IL9R: variants seen among roughly 807,000 people sequenced by gnomAD.
IL9R encodes the protein interleukin-9 receptor.
In IL9R, 54 loss-of-function variants were observed where a neutral mutation model predicts 56.3. That is an observed-to-expected ratio of 0.96 (90% CI 0.77 to 1.20). The LOEUF (loss-of-function observed/expected upper bound fraction) is 1.20. Ranked by LOEUF, IL9R falls within the 50% of genes most tolerant of loss-of-function variation. The pLI, the probability that IL9R is intolerant of heterozygous loss-of-function variation, is 0.00. For missense variants in IL9R, 545 were observed against 629.8 expected, an observed-to-expected ratio of 0.87 and a Z score of 1.44; for synonymous variants, 212 against 250.2, an observed-to-expected ratio of 0.85 and a Z score of 1.44.
chrX:156,009,117 CTGTGTATGTTTG>C (rs1263020619), intron 8 of IL9R, among the ~76,000 whole-genome samples: 32 of 106,428 alleles, frequency 3.0e-4, no homozygotes, highest in African/African-American at 1.3e-3. Flanking sequence ...GTTTATGTGT[CTGTGTATGTTTG>C]TGTGTGTGTT....
chrX:156,008,973 G>C (rs2068206468), intron 8 of IL9R, among the ~76,000 whole-genome samples: 1 of 151,286 alleles, frequency 6.6e-6, no homozygotes, highest in African/African-American at 2.4e-5. Flanking sequence ...ATGTGTGTGT[G>C]TCTGTGTGTG....
intron 8 of IL9R, among the ~76,000 whole-genome samples, chrX:156,009,422 T>G (rs2068334062): frequency 7.0e-6 from 1 of 142,088 alleles, no homozygotes; most frequent in Non-Finnish European, 1.5e-5. Flanking sequence ...TGTGTGTTTG[T>G]GTATGTTTGT....
At chrX:156,007,310 C>T (rs943796144) in intron 7 of IL9R, among the ~76,000 whole-genome samples, 4 of 148,278 alleles carry the variant, frequency 2.7e-5, no homozygotes, top group African/African-American at 1.0e-4. Context: ...AGGACGCGCG[C>T]CTCAGTATAA....
intron 2 of IL9R, 113 bp downstream of exon 2, chrX:156,003,132 T>C: frequency 2.2e-6 from 3 of 1,346,810 alleles, no homozygotes; most frequent in Non-Finnish European, 3.2e-6. Flanking sequence ...CAAACTGTGC[T>C]GGGGCATGTC....
At chrX:155,999,348 C>A (rs1160405918) in intron 1 of IL9R, among the ~76,000 whole-genome samples, 1 of 152,132 alleles carries the variant, frequency 6.6e-6, no homozygotes, top group Non-Finnish European at 1.5e-5. Context: ...GCATTTACCT[C>A]ACGGATGCAG....
chrX:156,004,440 G>A lies in IL9R; in HGVS notation c.454G>A (p.Asp152Asn), dbSNP rs751257162. 1 of 1,613,874 alleles carries A rather than the reference G, an allele frequency of 6.2e-7. No homozygotes were observed. Among genetic ancestry groups the A allele is most frequent in the Non-Finnish European group, 8.5e-7 (1 of 1,179,836 alleles). ...RRHVKLDPPS[D>N]LQSNISSGHC... ...TCCAGTTAAGCTGGACCCGCCCTCTGACTTGCAGAGCAACATCAGTTCTGG... is the reference window on the plus strand; with the variant it reads ...TCCAGTTAAGCTGGACCCGCCCTCTAACTTGCAGAGCAACATCAGTTCTGG... The change falls in exon 5 of 9, where the codon GAC (aspartate) becomes AAC (asparagine). Residue 152 changes from aspartate to asparagine, a missense_variant. This residue lies in a region of IL9R where 431 missense variants were observed against 360.0 expected (regional missense o/e 1.20). Transcript: ENST00000244174.
Position 156,004,460 on chromosome X carries a change from T to C in IL9R, c.474T>C (p.Ser158=), listed in dbSNP as rs1478784604. 1 of 1,613,848 alleles carries C rather than the reference T, an allele frequency of 6.2e-7. No individual in the cohort carries two copies. Among genetic ancestry groups the C allele is most frequent in the Non-Finnish European group, 8.5e-7 (1 of 1,179,802 alleles). Reference sequence around the variant, plus strand: ...CCTCTGACTTGCAGAGCAACATCAGTTCTGGCCACTGCATCCTGACCTGGA... The same window carrying C: ...CCTCTGACTTGCAGAGCAACATCAGCTCTGGCCACTGCATCCTGACCTGGA... ...DPPSDLQSNI[S]SGHCILTWSI... Residue 158 remains serine (S), a synonymous_variant, in exon 5 of 9, where the codon AGT becomes AGC. Coordinates refer to ENST00000244174, the MANE Select transcript of IL9R (RefSeq NM_002186.3).
At chrX:156,008,935 G>C (rs1445699228) in intron 8 of IL9R, among the ~76,000 whole-genome samples, 1 of 139,500 alleles carries the variant, frequency 7.2e-6, no homozygotes, top group African/African-American at 3.3e-5. Context: ...GTGTGTGTTT[G>C]TGTGTGTATG....
At chrX:156,004,756 T>G (rs1312734882) in intron 5 of IL9R, among the ~76,000 whole-genome samples, 191 bp downstream of exon 5, 2 of 151,998 alleles carry the variant, frequency 1.3e-5, no homozygotes, top group Non-Finnish European at 2.9e-5. Context: ...GGGAGTAGGG[T>G]GAGTGCGCCT....
rs767194530 is a variant in IL9R, at chrX:156,010,191, G to T, written c.1348G>T (p.Gly450Trp). 1.5e-4 allele frequency: 220 copies of T among 1,465,342 alleles called. 4 individuals are homozygous for T. Among genetic ancestry groups the T allele is most frequent in the Non-Finnish European group, 1.8e-4 (205 of 1,114,438 alleles). The allele number at this position is 1,465,342 out of a possible 1,614,324, so 90.8% of individuals were successfully genotyped here. A position where few individuals can be genotyped will look rare whatever the true frequency, so the allele number is the denominator to read the frequency against. ...NNNYCALGCY[G>W]GWHLSALPGN... ...CAACTACTGTGCCTTGGGCTGCTAT[G>T]GGGGATGGCACCTCTCAGCCCTCCC... Residue 450 changes from glycine to tryptophan, a missense_variant, in exon 9 of 9, where the codon GGG becomes TGG. Gly to Trp is a radical substitution (Grantham distance 184). Transcript: ENST00000244174.
At chrX:156,008,427 T>C (rs1010643752) in intron 8 of IL9R, among the ~76,000 whole-genome samples, 25 of 151,382 alleles carry the variant, frequency 1.7e-4, no homozygotes, top group South Asian at 4.1e-4. Context: ...GTTTTCAAGA[T>C]TTTTGTCCAA....
intron 1 of IL9R, among the ~76,000 whole-genome samples, chrX:156,000,790 C>A (rs1441582207): frequency 6.6e-6 from 1 of 152,194 alleles, no homozygotes; most frequent in African/African-American, 2.4e-5. Context: ...CACTGTGGTG[C>A]CTTCTGCTGG....
intron 7 of IL9R, 31 bp from the exon 8 acceptor site, chrX:156,007,492 T>C (rs766442531): frequency 5.2e-6 from 5 of 952,730 alleles, no homozygotes; most frequent in Non-Finnish European, 6.6e-6. Flanking sequence ...TGGGTCGCCA[T>C]AGGCCTCTGA....
intron 1 of IL9R, among the ~76,000 whole-genome samples, chrX:156,000,145 A>ATATATATATATAT (rs1556394100): frequency 1.1e-3 from 153 of 144,240 alleles, no homozygotes; most frequent in African/African-American, 3.9e-3. Context: ...AAAAAAAAAA[A>ATATATATATATAT]ATATATATAT....
chrX:156,003,982 G>C (rs947720483), intron 4 of IL9R, 127 bp downstream of exon 4: 13 of 1,008,356 alleles, frequency 1.3e-5, no homozygotes, highest in African/African-American at 3.2e-5. Flanking sequence ...AGCCGAGTGA[G>C]ATCCAGGGCT....
Position 156,005,268 on chromosome X carries a change from A to AC in IL9R, c.580-5dup. On this transcript the variant is annotated splice_polypyrimidine_tract_variant and intron_variant, in intron 5 of 8. Coordinates refer to ENST00000244174, the MANE Select transcript of IL9R (RefSeq NM_002186.3). ...CCTTCACCACCTGCTAACTGTCCCC[A>AC]CCCCCACAGCAGGCCCAGCACAGGG... 1 of 1,611,198 alleles carries AC rather than the reference A, an allele frequency of 6.2e-7. No individual in the cohort carries two copies. The highest frequency in any genetic ancestry group is 8.5e-7 in the Non-Finnish European group (1 of 1,179,482).
chrX:156,004,105 A>G, intron 4 of IL9R: 1 of 603,984 alleles, frequency 1.7e-6, no homozygotes, highest in Non-Finnish European at 2.9e-6. Context: ...CTGGCACTTG[A>G]GTCATGTGAA....
intron 1 of IL9R, 91 bp from the exon 2 acceptor site, chrX:156,002,815 C>T (rs765293073): frequency 6.3e-7 from 1 of 1,584,734 alleles, no homozygotes; most frequent in Non-Finnish European, 8.7e-7. Flanking sequence ...AGGTGGGGAC[C>T]CATGGAGCAC....
intron 2 of IL9R, among the ~76,000 whole-genome samples, 155 bp from the exon 3 acceptor site, chrX:156,003,294 C>T (rs2067667903): frequency 6.6e-6 from 1 of 152,140 alleles, no homozygotes; most frequent in African/African-American, 2.4e-5. Flanking sequence ...GAGCCCATCA[C>T]TTCCCAGGCC....
Sources: gnomAD v4.1 joint callset for allele counts (sites outside exome capture counted in the v4.1 genomes callset) on GRCh38, gnomAD v4.1.1 for gene constraint, gnomAD v4.1.1 regional missense constraint, MANE v1.5 for transcripts, NCBI Gene and HGNC (gene_info 2026-07-23, HGNC 2026-07-21) for gene names.